TFDP2: variants seen among roughly 807,000 people sequenced by gnomAD.
The protein encoded by TFDP2 is transcription factor Dp-2.
A neutral mutation model predicts 59.3 loss-of-function variants in TFDP2; 17 were observed. The observed-to-expected ratio is 0.29, with a 90% confidence interval of 0.20 to 0.43. The LOEUF (loss-of-function observed/expected upper bound fraction) is 0.43. Ranked by LOEUF, TFDP2 falls within the 20% of genes least tolerant of loss-of-function variation. The probability of loss-of-function intolerance (pLI) is 1.00; values close to 1 mark genes in which losing one functional copy is unlikely to be tolerated. For missense variants in TFDP2, 391 were observed against 528.8 expected, an observed-to-expected ratio of 0.74 and a Z score of 2.56; for synonymous variants, 180 against 194.7, an observed-to-expected ratio of 0.92 and a Z score of 0.63.
rs1553761666 is a variant in TFDP2, at chr3:141,973,093, G to GTATATATATA, written c.663+945_663+954dup. On this transcript the variant is annotated intron_variant, in intron 8 of 12. Transcript: ENST00000489671. Reference sequence around the variant, plus strand: ...TCTTAATTATCTCCCAAAGCTATGTGTATATATATATATATATATATATAT... The same window carrying GTATATATATA: ...TCTTAATTATCTCCCAAAGCTATGTGTATATATATATATATATATATATATATATATATAT... 2.2e-3 allele frequency among the ~76,000 whole-genome samples: 225 copies of GTATATATATA among 103,064 alleles called. 2 individuals carry two copies. The highest frequency in any genetic ancestry group is 5.3e-3 in the Middle Eastern group (1 of 188). The allele number at this position is 103,064 out of a possible 152,430, so 67.6% of individuals were successfully genotyped here.
chr3:142,110,247 T>C (rs1187150728), intron 1 of TFDP2, among the ~76,000 whole-genome samples: 1 of 152,076 alleles, frequency 6.6e-6, no homozygotes, highest in Non-Finnish European at 1.5e-5. Flanking sequence ...CTCACGTCTG[T>C]AATCCCAGCA....
In TFDP2 at chr3:142,094,222, T is replaced by C. The variant is rs1023483033; in HGVS notation, c.16-1095A>G. 2.6e-5 allele frequency among the ~76,000 whole-genome samples: 4 copies of C among 152,196 alleles called. 1 individual carries two copies. The highest frequency in any genetic ancestry group is 5.9e-5 in the Non-Finnish European group (4 of 68,028). On this transcript the variant is annotated intron_variant, in intron 2 of 12. Coordinates refer to ENST00000489671, the MANE Select transcript of TFDP2 (RefSeq NM_001178139.2). ...AATACTTTTTGTAAGCATTGAAGAT[T>C]TGTAACCTTGAAACATTACAATTTT... is the stretch of plus-strand genomic sequence containing the variant.
At chr3:142,032,932 A>C (rs1358430107) in intron 3 of TFDP2, among the ~76,000 whole-genome samples, 1 of 152,208 alleles carries the variant, frequency 6.6e-6, no homozygotes, top group African/African-American at 2.4e-5. Context: ...GCAGTGGCTT[A>C]TGCTTGTAAT....
intron 3 of TFDP2, among the ~76,000 whole-genome samples, chr3:142,050,628 A>G (rs1947578039): frequency 1.3e-5 from 2 of 151,458 alleles, no homozygotes; most frequent in African/African-American, 4.9e-5. Flanking sequence ...CCTGGGAGGC[A>G]GAGCTTGCAG....
At chr3:141,952,729 A>G (rs757281705) in intron 12 of TFDP2, 33 bp from the exon 13 acceptor site, 1 of 1,604,296 alleles carries the variant, frequency 6.2e-7, no homozygotes, top group Non-Finnish European at 8.5e-7. Flanking sequence ...CAGGCTCATT[A>G]ATGTGGTATA....
intron 3 of TFDP2, among the ~76,000 whole-genome samples, chr3:142,061,966 G>A (rs748638678): frequency 1.5e-5 from 2 of 132,276 alleles, no homozygotes; most frequent in African/African-American, 5.6e-5. Context: ...TGAATAACAG[G>A]TTCAAACTGT....
chr3:142,046,997 C>G (rs112133276), intron 3 of TFDP2, among the ~76,000 whole-genome samples: 1 of 152,166 alleles, frequency 6.6e-6, no homozygotes, highest in Non-Finnish European at 1.5e-5. Flanking sequence ...GCTCTTGCCC[C>G]CCTTCAGCCT....
intron 6 of TFDP2, among the ~76,000 whole-genome samples, chr3:141,991,519 G>A (rs2108166963): frequency 6.6e-6 from 1 of 152,314 alleles, no homozygotes; most frequent in Non-Finnish European, 1.5e-5. Context: ...AGCACTTTGG[G>A]AGGCCAAGGT....
At chr3:142,135,962 TC>T (rs1486808259) in intron 1 of TFDP2, among the ~76,000 whole-genome samples, 1 of 152,084 alleles carries the variant, frequency 6.6e-6, no homozygotes, top group African/African-American at 2.4e-5. Flanking sequence ...TAGTTCTAGA[TC>T]CTTGAGGAAT....
At chr3:142,037,458 A>G (rs1279696694) in intron 3 of TFDP2, among the ~76,000 whole-genome samples, 3 of 152,226 alleles carry the variant, frequency 2.0e-5, no homozygotes, top group Non-Finnish European at 2.9e-5. Context: ...CTCTCTGAGT[A>G]TTATTTAAGC....
chr3:142,000,792 G>A (rs184602342), intron 4 of TFDP2, among the ~76,000 whole-genome samples: 6 of 152,286 alleles, frequency 3.9e-5, no homozygotes, highest in Admixed American at 3.9e-4. Context: ...AGAAGAAAGG[G>A]ATAATAGGTC....
intron 3 of TFDP2, among the ~76,000 whole-genome samples, chr3:142,016,338 AC>A (rs1456117612): frequency 1.4e-5 from 2 of 142,058 alleles, no homozygotes; most frequent in African/African-American, 5.4e-5. Flanking sequence ...TCACTCTGTC[AC>A]CCAGGCTAGA....
chr3:142,094,591 C>T (rs1156633962), intron 2 of TFDP2, among the ~76,000 whole-genome samples: 1 of 152,164 alleles, frequency 6.6e-6, no homozygotes, highest in African/African-American at 2.4e-5. Flanking sequence ...AGGCATCAGT[C>T]ACCACGCCCA....
intron 4 of TFDP2, among the ~76,000 whole-genome samples, chr3:142,004,761 T>A (rs1356662814): frequency 3.9e-5 from 6 of 152,170 alleles, no homozygotes; most frequent in Admixed American, 3.9e-4. Flanking sequence ...TCCATTTATG[T>A]GAGAATACAT....
intron 6 of TFDP2, among the ~76,000 whole-genome samples, chr3:141,981,763 A>G (rs1941510065): frequency 6.6e-6 from 1 of 152,234 alleles, no homozygotes; most frequent in African/African-American, 2.4e-5. Context: ...ATGAGGCAAA[A>G]GCAGAGACAC....
chr3:141,995,173 C>T (rs538186026), intron 4 of TFDP2, 32 bp from the exon 5 acceptor site: 244 of 1,498,962 alleles, frequency 1.6e-4, no homozygotes, highest in Middle Eastern at 1.3e-3. Flanking sequence ...ATATAATATT[C>T]TTAATTATTA....
intron 9 of TFDP2, among the ~76,000 whole-genome samples, chr3:141,968,606 T>TATATATCTCATATATAGATATATATAAC (rs1938773091): frequency 1.0e-5 from 1 of 98,260 alleles, no homozygotes; most frequent in South Asian, 3.1e-4. Flanking sequence ...ATATATAACA[T>TATATATCTCATATATAGATATATATAAC]ATATATCTCA....
chr3:142,140,539 G>A (rs2062909567), intron 1 of TFDP2, among the ~76,000 whole-genome samples: 1 of 152,148 alleles, frequency 6.6e-6, no homozygotes, highest in Admixed American at 6.6e-5. Flanking sequence ...ACCTACAGAT[G>A]GGGTTTTGGT....
At chr3:141,968,826 C>T (rs188836315) in intron 9 of TFDP2, among the ~76,000 whole-genome samples, 1 of 73,254 alleles carries the variant, frequency 1.4e-5, no homozygotes, top group Non-Finnish European at 2.4e-5. Context: ...ATATATAACA[C>T]ATATATATCT....
Sources: allele counts gnomAD v4.1 joint callset (sites outside exome capture counted in the v4.1 genomes callset), GRCh38; gene constraint gnomAD v4.1.1; transcripts MANE v1.5; gene names NCBI Gene and HGNC (gene_info 2026-07-23, HGNC 2026-07-21).